Variants in UNC13B observed in about 807,000 individuals in gnomAD.
UNC13B encodes the protein protein unc-13 homolog B.
A neutral mutation model predicts 211.0 loss-of-function variants in UNC13B; 144 were observed. The ratio of observed to expected loss-of-function variants is 0.68; its 90% CI spans 0.60 to 0.78. The LOEUF (loss-of-function observed/expected upper bound fraction) is 0.78, where lower values mean the gene tolerates loss of function less well. Ranked by LOEUF, UNC13B falls within the 30% of genes least tolerant of loss-of-function variation. The probability of loss-of-function intolerance (pLI) is 0.00; values close to 1 mark genes in which losing one functional copy is unlikely to be tolerated. For synonymous variants in UNC13B, 709 were observed against 725.8 expected, an observed-to-expected ratio of 0.98 and a Z score of 0.37; for missense variants, 1,777 against 2,002.0, an observed-to-expected ratio of 0.89 and a Z score of 2.14.
intron 1 of UNC13B, among the ~76,000 whole-genome samples, chr9:35,196,710 T>C (rs751350178): frequency 2.6e-5 from 4 of 152,228 alleles, no homozygotes; most frequent in Non-Finnish European, 2.9e-5. Context: ...GCAGGAATTG[T>C]GTGCTGAAGT....
In UNC13B at chr9:35,237,716, A is replaced by C; in HGVS notation, c.284A>C (p.Glu95Ala). 6.2e-7 allele frequency: 1 copy of C among 1,613,516 alleles called. No homozygotes were observed. The highest frequency in any genetic ancestry group is 8.5e-7 in the Non-Finnish European group (1 of 1,179,862). Residue 95 changes from glutamate (E) to alanine (A), a missense_variant, in exon 5 of 40, where the codon GAA becomes GCA. Physicochemically the swap from Glu to Ala is moderately radical, Grantham distance 107. Coordinates refer to ENST00000635942, the MANE Select transcript of UNC13B (RefSeq NM_001371189.2). ...IRQSDEEGPG[E>A]WSTLEAETLM... ...TTTGTTTCCTAGGAAGGGCCTGGGG[A>C]ATGGTCCACATTAGAGGCAGAGACG...
chr9:35,348,407 G>T (rs899566533), intron 11 of UNC13B, among the ~76,000 whole-genome samples: 3 of 152,214 alleles, frequency 2.0e-5, no homozygotes, highest in Non-Finnish European at 2.9e-5. Flanking sequence ...GGAACTGAAT[G>T]ATTTACTCCT....
At chr9:35,377,258 C>T (rs1834484546) in intron 15 of UNC13B, among the ~76,000 whole-genome samples, 1 of 152,234 alleles carries the variant, frequency 6.6e-6, no homozygotes, top group African/African-American at 2.4e-5. Context: ...AAAAGACTGC[C>T]TGAAGACAAA....
chr9:35,299,671 A>G (rs1481628955), intron 8 of UNC13B, among the ~76,000 whole-genome samples: 1 of 152,270 alleles, frequency 6.6e-6, no homozygotes, highest in African/African-American at 2.4e-5. Context: ...CTACATTGAT[A>G]TAATATTTAA....
At position 35,303,018 on chromosome 9, in the gene UNC13B, T is replaced by C; in HGVS notation, c.3614T>C (p.Phe1205Ser). ...MIDHKPEEAK[F>S]MSLGNMKSLN... Reference sequence around the variant, plus strand: ...GATCATAAACCAGAGGAAGCAAAGTTCATGTCTTTAGGCAACATGAAGAGT... The same window carrying C: ...GATCATAAACCAGAGGAAGCAAAGTCCATGTCTTTAGGCAACATGAAGAGT... Residue 1205 changes from phenylalanine (F) to serine (S), a missense_variant, in exon 9 of 40, where the codon TTC becomes TCC. Transcript: ENST00000635942. 1 of 398,758 alleles carries C rather than the reference T, an allele frequency of 2.5e-6. No individual in the cohort carries two copies. The highest frequency in any genetic ancestry group is 6.3e-4 in the Middle Eastern group (1 of 1,588). 24.7% of individuals were successfully genotyped at this position (398,758 alleles called of 1,614,324 possible). A position where few individuals can be genotyped will look rare whatever the true frequency, so the allele number is the denominator to read the frequency against.
chr9:35,189,746 C>G (rs546089336), intron 1 of UNC13B, among the ~76,000 whole-genome samples: 1 of 152,236 alleles, frequency 6.6e-6, no homozygotes, highest in South Asian at 2.1e-4. Context: ...CCCGGCTCAC[C>G]GCAACCTCCG....
chr9:35,224,279 A>G (rs1470639115), intron 1 of UNC13B, among the ~76,000 whole-genome samples: 1 of 152,152 alleles, frequency 6.6e-6, no homozygotes, highest in Non-Finnish European at 1.5e-5. Flanking sequence ...GCCTATTTGC[A>G]TAGTACGTTT....
chr9:35,279,056 G>A (rs1828335840), intron 7 of UNC13B, among the ~76,000 whole-genome samples: 1 of 152,188 alleles, frequency 6.6e-6, no homozygotes, highest in South Asian at 2.1e-4. Context: ...TGAAACTCAT[G>A]TAGCATAAAA....
At chr9:35,282,702 T>G (rs915618178) in intron 7 of UNC13B, among the ~76,000 whole-genome samples, 1 of 152,162 alleles carries the variant, frequency 6.6e-6, no homozygotes, top group Admixed American at 6.5e-5. Flanking sequence ...CCCAAAGTGA[T>G]GGGATTACAG....
At chr9:35,220,460 T>G (rs550614077) in intron 1 of UNC13B, among the ~76,000 whole-genome samples, 11 of 152,018 alleles carry the variant, frequency 7.2e-5, no homozygotes, top group African/African-American at 2.7e-4. Flanking sequence ...CTTCTGTTAT[T>G]GGTAGTTCTA....
At chr9:35,398,674 G>A (rs759868351) in intron 32 of UNC13B, 32 bp downstream of exon 32, 5 of 1,610,634 alleles carry the variant, frequency 3.1e-6, no homozygotes, top group Non-Finnish European at 4.2e-6. Context: ...GGCCCTCAGA[G>A]CCAGATGTGG....
At chr9:35,398,491 G>T (rs1836040559) in intron 31 of UNC13B, 63 bp from the exon 32 acceptor site, 29 of 1,513,108 alleles carry the variant, frequency 1.9e-5, no homozygotes, top group Non-Finnish European at 2.6e-5. Context: ...AGTAGTAGGG[G>T]TGTGGCAGGG....
chr9:35,401,968 A>G, intron 37 of UNC13B: 1 of 1,550,812 alleles, frequency 6.4e-7, no homozygotes, highest in East Asian at 2.4e-5. Flanking sequence ...TGGGAAAGGT[A>G]TTAGATTTAC....
chr9:35,403,609 G>A lies in UNC13B; in HGVS notation c.12737+10G>A, dbSNP rs376999363. 8.5e-5 allele frequency: 136 copies of A among 1,607,238 alleles called. No individual in the cohort carries two copies. The highest frequency in any genetic ancestry group is 2.9e-4 in the Admixed American group (17 of 59,538). ...ATGAGACATTCCACTTGTAAGTTAC[G>A]GGGGGGACATACAGGACTCTGGGAT... On this transcript the variant is annotated intron_variant, in intron 39 of 39. Transcript: ENST00000635942.
chr9:35,339,171 C>G (rs1183105877), intron 11 of UNC13B, among the ~76,000 whole-genome samples: 1 of 152,188 alleles, frequency 6.6e-6, no homozygotes, highest in Non-Finnish European at 1.5e-5. Flanking sequence ...AATGTCTGTT[C>G]AGAGCATTTC....
chr9:35,252,846 C>T (rs908390219), intron 6 of UNC13B, among the ~76,000 whole-genome samples: 15 of 151,988 alleles, frequency 9.9e-5, no homozygotes, highest in African/African-American at 3.1e-4. Flanking sequence ...AGGAGATTGG[C>T]GTGAACCCAG....
At chr9:35,314,010 C>G in intron 11 of UNC13B, 21 bp downstream of exon 11, 1 of 1,591,802 alleles carries the variant, frequency 6.3e-7, no homozygotes, top group Non-Finnish European at 8.6e-7. Context: ...TGTTCTAGTA[C>G]TGGTTGGGAC....
intron 2 of UNC13B, among the ~76,000 whole-genome samples, chr9:35,228,341 A>T (rs965445841): frequency 1.5e-4 from 22 of 146,278 alleles, no homozygotes; most frequent in Non-Finnish European, 2.3e-4. Flanking sequence ...AGTGGAAACA[A>T]TTTTTTTTTT....
intron 7 of UNC13B, among the ~76,000 whole-genome samples, chr9:35,270,722 T>C (rs1827827756): frequency 6.6e-6 from 1 of 152,236 alleles, no homozygotes; most frequent in South Asian, 2.1e-4. Flanking sequence ...CCAAACTTTC[T>C]TGTCCTTTTT....
Sources: allele counts gnomAD v4.1 joint callset (sites outside exome capture counted in the v4.1 genomes callset), GRCh38; gene constraint gnomAD v4.1.1; transcripts MANE v1.5; gene names NCBI Gene and HGNC (gene_info 2026-07-23, HGNC 2026-07-21).